Variants in DPYD observed in about 807,000 individuals in gnomAD.
The protein encoded by DPYD is dihydropyrimidine dehydrogenase.
A neutral mutation model predicts 116.2 loss-of-function variants in DPYD; 109 were observed. The ratio of observed to expected loss-of-function variants is 0.94; its 90% CI spans 0.80 to 1.10. DPYD has a LOEUF of 1.10. Ranked by LOEUF, DPYD falls within the 50% of genes least tolerant of loss-of-function variation. DPYD has a pLI of 0.00. For missense variants in DPYD, 1,302 were observed against 1,254.5 expected, an observed-to-expected ratio of 1.04 and a Z score of -0.57; for synonymous variants, 440 against 432.0, an observed-to-expected ratio of 1.02 and a Z score of -0.23.
chr1:97,746,935 G>C (rs1320972550), intron 3 of DPYD, among the ~76,000 whole-genome samples: 2 of 151,254 alleles, frequency 1.3e-5, no homozygotes, highest in African/African-American at 2.4e-5. Flanking sequence ...TGTTGTTAGT[G>C]GTGTGTGTTT....
At chr1:97,399,978 G>A (rs529997213) in intron 14 of DPYD, among the ~76,000 whole-genome samples, 9 of 152,124 alleles carry the variant, frequency 5.9e-5, no homozygotes, top group African/African-American at 1.7e-4. Flanking sequence ...AGAACTTCCA[G>A]CACTATGTTG....
intron 16 of DPYD, among the ~76,000 whole-genome samples, chr1:97,338,914 A>G (rs1333926651): frequency 6.6e-6 from 1 of 152,188 alleles, no homozygotes; most frequent in African/African-American, 2.4e-5. Flanking sequence ...TTGAACAGGT[A>G]GCTACTATTA....
intron 12 of DPYD, among the ~76,000 whole-genome samples, chr1:97,531,018 A>C (rs1649585173): frequency 6.6e-6 from 1 of 152,176 alleles, no homozygotes; most frequent in Admixed American, 6.5e-5. Context: ...TTGGAAATTA[A>C]CTGCTGGTTA....
At chr1:97,703,678 C>T (rs888468805) in intron 5 of DPYD, among the ~76,000 whole-genome samples, 1 of 151,998 alleles carries the variant, frequency 6.6e-6, no homozygotes, top group African/African-American at 2.4e-5. Context: ...TCAATAACTA[C>T]ATGTGGCTAG....
In DPYD at chr1:97,830,684, G is replaced by A. The variant is rs368286316; in HGVS notation, c.151-2488C>T. On this transcript the variant is annotated intron_variant, in intron 2 of 22. Transcript: ENST00000370192. ...GAGTTCGCGCCACGGCACTCCAGCC[G>A]GGGACAGAGTGAGACTCCATCTCAA... is the stretch of plus-strand genomic sequence containing the variant. 8.3e-4 allele frequency among the ~76,000 whole-genome samples: 125 copies of A among 151,416 alleles called. 1 individual carries two copies. In the East Asian group the frequency reaches 8.7e-3, roughly 11 times the overall value.
intron 12 of DPYD, among the ~76,000 whole-genome samples, chr1:97,516,970 T>C (rs1648278961): frequency 6.6e-6 from 1 of 152,108 alleles, no homozygotes; most frequent in Non-Finnish European, 1.5e-5. Context: ...TTGTGAATCA[T>C]CACTCAAAAG....
chr1:97,492,089 C>T (rs1466108215), intron 13 of DPYD, among the ~76,000 whole-genome samples: 1 of 152,056 alleles, frequency 6.6e-6, no homozygotes, highest in African/African-American at 2.4e-5. Flanking sequence ...TTTGTGTCAT[C>T]TCATTGCTAT....
At chr1:97,787,415 G>A (rs1280741027) in intron 3 of DPYD, among the ~76,000 whole-genome samples, 1 of 152,126 alleles carries the variant, frequency 6.6e-6, no homozygotes, top group Non-Finnish European at 1.5e-5. Context: ...TGCATTTCTA[G>A]CCTGCATTTA....
intron 11 of DPYD, among the ~76,000 whole-genome samples, chr1:97,557,562 A>G (rs1488550436): frequency 6.6e-6 from 1 of 151,854 alleles, no homozygotes; most frequent in East Asian, 1.9e-4. Flanking sequence ...GTGATTTACC[A>G]GCCTCGGCCT....
intron 3 of DPYD, among the ~76,000 whole-genome samples, chr1:97,746,124 T>C (rs902108673): frequency 1.3e-5 from 2 of 152,110 alleles, no homozygotes; most frequent in African/African-American, 2.4e-5. Context: ...TTAGTAGTCA[T>C]TGAGGCACTA....
chr1:97,081,874 A>G (rs1649181073), intron 22 of DPYD, among the ~76,000 whole-genome samples: 1 of 152,042 alleles, frequency 6.6e-6, no homozygotes. Context: ...CGTTGGTGGG[A>G]AAGTGCTTCT....
At chr1:97,869,091 A>G (rs1465269342) in intron 2 of DPYD, among the ~76,000 whole-genome samples, 1 of 151,790 alleles carries the variant, frequency 6.6e-6, no homozygotes. Flanking sequence ...GCCACCCTGC[A>G]GCACCAAGCT....
intron 20 of DPYD, among the ~76,000 whole-genome samples, chr1:97,120,521 A>T (rs1570491282): frequency 6.6e-6 from 1 of 152,288 alleles, no homozygotes; most frequent in Non-Finnish European, 1.5e-5. Flanking sequence ...TATAATGCAC[A>T]GCTGAGCTAA....
chr1:97,657,798 T>C (rs560196864), intron 8 of DPYD, among the ~76,000 whole-genome samples: 1 of 152,320 alleles, frequency 6.6e-6, no homozygotes, highest in African/African-American at 2.4e-5. Context: ...ATTTATTATA[T>C]AACTAGCAGA....
At chr1:97,788,879 C>T (rs972222046) in intron 3 of DPYD, among the ~76,000 whole-genome samples, 1 of 152,180 alleles carries the variant, frequency 6.6e-6, no homozygotes, top group South Asian at 2.1e-4. Context: ...TCTCGGCTCA[C>T]TGCAACCTCC....
At chr1:97,905,882 C>T (rs575229211) in intron 1 of DPYD, among the ~76,000 whole-genome samples, 2 of 152,120 alleles carry the variant, frequency 1.3e-5, no homozygotes, top group Middle Eastern at 3.4e-3. Flanking sequence ...TAAAACTGAG[C>T]TCATATTCAT....
chr1:97,224,213 C>G (rs1041568908), intron 19 of DPYD, among the ~76,000 whole-genome samples: 3 of 151,984 alleles, frequency 2.0e-5, no homozygotes, highest in Admixed American at 1.3e-4. Flanking sequence ...GGAAGGCAAG[C>G]CTGTAATCGG....
At chr1:97,315,312 G>T (rs2101073466) in intron 16 of DPYD, among the ~76,000 whole-genome samples, 1 of 151,994 alleles carries the variant, frequency 6.6e-6, no homozygotes, top group Admixed American at 6.6e-5. Context: ...CCCAGTGAAT[G>T]ATAGCAAAAC....
chr1:97,611,467 AAAT>A (rs1655944824), intron 8 of DPYD, among the ~76,000 whole-genome samples: 1 of 152,078 alleles, frequency 6.6e-6, no homozygotes, highest in Non-Finnish European at 1.5e-5. Context: ...TAGAGAGAAA[AAAT>A]AAAATATCTT....
Sources: gnomAD v4.1 joint callset for allele counts (sites outside exome capture counted in the v4.1 genomes callset) on GRCh38, gnomAD v4.1.1 for gene constraint, MANE v1.5 for transcripts, NCBI Gene and HGNC (gene_info 2026-07-23, HGNC 2026-07-21) for gene names.